PARP12: variants seen among roughly 807,000 people sequenced by gnomAD.
The protein encoded by PARP12 is protein mono-ADP-ribosyltransferase PARP12.
Under a neutral mutation model 72.4 loss-of-function variants are expected in PARP12, and 59 were observed. The observed-to-expected ratio is 0.81, with a 90% confidence interval of 0.66 to 1.01. The LOEUF is 1.01. Ranked by LOEUF, PARP12 falls within the 50% of genes least tolerant of loss-of-function variation. PARP12 has a pLI of 0.00. For synonymous variants in PARP12, 403 were observed against 371.4 expected (o/e 1.09, Z -0.98); for missense variants, 851 against 914.0 (o/e 0.93, Z 0.89).
chr7:140,027,071 G>A (rs1385267328), intron 10 of PARP12, among the ~76,000 whole-genome samples: 1 of 152,194 alleles, frequency 6.6e-6, no homozygotes, highest in Non-Finnish European at 1.5e-5. Context: ...GCTCCAGGAA[G>A]CCTCGGTGCC....
At position 140,056,844 on chromosome 7, in the gene PARP12, C is replaced by T; in HGVS notation, c.760+12G>A. On this transcript the variant is annotated intron_variant, in intron 3 of 11. Coordinates refer to ENST00000263549, the MANE Select transcript of PARP12 (RefSeq NM_022750.4). Reference sequence around the variant, plus strand: ...GCTCCCCACCAGCCTTACCACTCCCCACCAGCCTTACCAGAAGTCCCCTGT... The same window carrying T: ...GCTCCCCACCAGCCTTACCACTCCCTACCAGCCTTACCAGAAGTCCCCTGT... 1.3e-6 allele frequency: 2 copies of T among 1,590,616 alleles called. No individual in the cohort carries two copies. Among genetic ancestry groups the T allele is most frequent in the Non-Finnish European group, 1.7e-6 (2 of 1,168,936 alleles).
chr7:140,036,768 G>T (rs148102769), intron 7 of PARP12, among the ~76,000 whole-genome samples: 5 of 152,070 alleles, frequency 3.3e-5, no homozygotes, highest in Admixed American at 6.5e-5. Flanking sequence ...AATAAAGCTG[G>T]ACCGATACAC....
chr7:140,045,098 T>C lies in PARP12; in HGVS notation c.986+1786A>G, dbSNP rs117860879. 2.2e-3 allele frequency among the ~76,000 whole-genome samples: 335 copies of C among 151,990 alleles called. 9 individuals carry two copies. In the East Asian group the frequency reaches 0.047, roughly 21 times the overall value. On this transcript the variant is annotated intron_variant, in intron 5 of 11. Transcript: ENST00000263549. Reference sequence around the variant, plus strand: ...AGACTGGAGTGTAGTGACACAATCATAGCTCACTGCAGCATCAAACTCCTG... The same window carrying C: ...AGACTGGAGTGTAGTGACACAATCACAGCTCACTGCAGCATCAAACTCCTG...
At chr7:140,054,876 C>G (rs1422687102) in intron 3 of PARP12, 113 bp from the exon 4 acceptor site, 2 of 870,794 alleles carry the variant, frequency 2.3e-6, no homozygotes, top group Non-Finnish European at 3.6e-6. Flanking sequence ...GCTCACAAAG[C>G]CCTATCGTGT....
At chr7:140,049,828 G>A (rs528387671) in intron 4 of PARP12, among the ~76,000 whole-genome samples, 5 of 152,180 alleles carry the variant, frequency 3.3e-5, no homozygotes, top group South Asian at 2.1e-4. Flanking sequence ...CCAGCACAGC[G>A]GTAGAGACAT....
intron 3 of PARP12, among the ~76,000 whole-genome samples, chr7:140,055,798 T>G (rs959432980): frequency 6.6e-6 from 1 of 152,182 alleles, no homozygotes; most frequent in African/African-American, 2.4e-5. Flanking sequence ...AAAACATAAT[T>G]GAAGACAATG....
intron 4 of PARP12, among the ~76,000 whole-genome samples, chr7:140,049,533 C>G (rs1056543052): frequency 1.3e-5 from 2 of 152,156 alleles, no homozygotes; most frequent in African/African-American, 4.8e-5. Context: ...AAATGCTATA[C>G]CTACAAACCC....
intron 8 of PARP12, among the ~76,000 whole-genome samples, chr7:140,029,573 G>A (rs1026336643): frequency 1.3e-5 from 2 of 151,934 alleles, no homozygotes; most frequent in African/African-American, 4.8e-5. Flanking sequence ...GCCAAAAACA[G>A]ACCCACAAAG....
intron 7 of PARP12, 23 bp from the exon 8 acceptor site, chr7:140,034,354 A>G: frequency 6.4e-7 from 1 of 1,573,626 alleles, no homozygotes; most frequent in Non-Finnish European, 8.7e-7. Flanking sequence ...ATAACCAGTG[A>G]AAAAATATAC....
Position 140,061,989 on chromosome 7 carries a change from G to A in PARP12, c.326+533C>T, listed in dbSNP as rs543361421. 2.0e-5 allele frequency among the ~76,000 whole-genome samples: 3 copies of A among 150,998 alleles called. No individual in the cohort carries two copies. In the East Asian group the frequency reaches 5.9e-4, roughly 29 times the overall value. On this transcript the variant is annotated intron_variant, in intron 1 of 11. Transcript: ENST00000263549. The stretch of plus-strand genomic sequence containing the variant: ...CCAGGCTCCCAGAAATGCCCGGGGG[G>A]GGGGGGGTGTTCCAGTCACAGAAGG...
Position 140,024,632 on chromosome 7 carries a change from G to A in PARP12, c.2034C>T (p.Thr678=), listed in dbSNP as rs763338588. The A allele has an allele frequency of 6.2e-7, 1 of 1,614,142 alleles. No individual in the cohort carries two copies. The highest frequency in any genetic ancestry group is 8.5e-7 in the Non-Finnish European group (1 of 1,180,026). ...QVYPEYVIQY[T]TSSKPSVTPS... ...GTGTGACCGAGGGCTTGGAGGAGGTGGTGTACTGGATGACATACTCTGGGT... is the reference window on the plus strand; with the variant it reads ...GTGTGACCGAGGGCTTGGAGGAGGTAGTGTACTGGATGACATACTCTGGGT... The change falls in exon 12 of 12, where the codon ACC becomes ACT. Residue 678 remains threonine (T), a synonymous_variant. Coordinates refer to ENST00000263549, the MANE Select transcript of PARP12 (RefSeq NM_022750.4).
chr7:140,041,092 CA>C (rs529839777), intron 6 of PARP12, among the ~76,000 whole-genome samples: 133 of 152,260 alleles, frequency 8.7e-4, no homozygotes, highest in African/African-American at 2.9e-3. Flanking sequence ...TATAAGTGAC[CA>C]GGGGACTCCC....
intron 8 of PARP12, among the ~76,000 whole-genome samples, chr7:140,030,783 G>A (rs1815911751): frequency 6.6e-6 from 1 of 152,200 alleles, no homozygotes; most frequent in Non-Finnish European, 1.5e-5. Flanking sequence ...AAAACATTAT[G>A]AGATTTTCTT....
chr7:140,059,520 T>C (rs1028773290), intron 1 of PARP12, among the ~76,000 whole-genome samples: 1 of 152,090 alleles, frequency 6.6e-6, no homozygotes, highest in African/African-American at 2.4e-5. Context: ...TTTAAATGAC[T>C]GCCTGAGTCA....
chr7:140,042,106 T>C (rs1289003375), intron 5 of PARP12, among the ~76,000 whole-genome samples: 1 of 152,198 alleles, frequency 6.6e-6, no homozygotes, highest in Non-Finnish European at 1.5e-5. Context: ...CATTCTTTTT[T>C]AAAATTCACT....
chr7:140,044,016 C>G (rs1040985791), intron 5 of PARP12, among the ~76,000 whole-genome samples: 5 of 152,074 alleles, frequency 3.3e-5, no homozygotes, highest in Non-Finnish European at 7.4e-5. Flanking sequence ...AAGACTTCAC[C>G]ATATATCTAA....
intron 11 of PARP12, 65 bp from the exon 12 acceptor site, chr7:140,024,950 C>T (rs1033816385): frequency 8.9e-6 from 13 of 1,461,944 alleles, no homozygotes; most frequent in Middle Eastern, 1.9e-4. Flanking sequence ...CAGCACACTG[C>T]GAATAGCGTC....
rs1292073690 is a variant in PARP12, at chr7:140,035,965, GGAGGAC to G, written c.1325-1640_1325-1635del. On this transcript the variant is annotated intron_variant, in intron 7 of 11. Transcript: ENST00000263549. ...AGGAGGAGGAGGACGAGGAGGAGGAGGAGGACGAGGAGGAGGAGGAGGAGGAGGAGG... is the reference window on the plus strand; with the variant it reads ...AGGAGGAGGAGGACGAGGAGGAGGAGGAGGAGGAGGAGGAGGAGGAGGAGG... Among the ~76,000 whole-genome samples, 232 of 72,470 alleles carry G rather than the reference GGAGGAC, an allele frequency of 3.2e-3. 49 individuals are homozygous for G. Among genetic ancestry groups the G allele is most frequent in the African/African-American group, 0.023 (146 of 6,394 alleles). The allele number at this position is 72,470 out of a possible 152,430, so 47.5% of individuals were successfully genotyped here. A position where few individuals can be genotyped will look rare whatever the true frequency, so the allele number is the denominator to read the frequency against.
At chr7:140,054,493 T>G (rs1478624931) in intron 4 of PARP12, among the ~76,000 whole-genome samples, 169 bp downstream of exon 4, 2 of 152,224 alleles carry the variant, frequency 1.3e-5, no homozygotes, top group African/African-American at 4.8e-5. Flanking sequence ...GCTACCATCT[T>G]CAACTCCCCA....
Sources: gnomAD v4.1 joint callset for allele counts (sites outside exome capture counted in the v4.1 genomes callset) on GRCh38, gnomAD v4.1.1 for gene constraint, MANE v1.5 for transcripts, NCBI Gene and HGNC (gene_info 2026-07-23, HGNC 2026-07-21) for gene names.